MSI2: variants seen among roughly 807,000 people sequenced by gnomAD.
MSI2 encodes the protein RNA-binding protein Musashi homolog 2.
A neutral mutation model predicts 45.6 loss-of-function variants in MSI2; 17 were observed. The observed-to-expected ratio is 0.37, with a 90% CI of 0.26 to 0.56. The LOEUF is 0.56. Ranked by LOEUF, MSI2 falls within the 20% of genes least tolerant of loss-of-function variation. The probability of loss-of-function intolerance (pLI) is 0.77; values close to 1 mark genes in which losing one functional copy is unlikely to be tolerated. For missense variants in MSI2, 293 were observed against 444.2 expected, an observed-to-expected ratio of 0.66 and a Z score of 3.06; for synonymous variants, 156 against 158.2, an observed-to-expected ratio of 0.99 and a Z score of 0.11.
chr17:57,638,219 C>T (rs1909982499), intron 10 of MSI2, among the ~76,000 whole-genome samples: 1 of 152,190 alleles, frequency 6.6e-6, no homozygotes, highest in African/African-American at 2.4e-5. Context: ...AGGAATCCTG[C>T]ACAGAGACTT....
chr17:57,457,195 G>A (rs1204642894), intron 6 of MSI2, among the ~76,000 whole-genome samples: 1 of 152,222 alleles, frequency 6.6e-6, no homozygotes, highest in African/African-American at 2.4e-5. Context: ...TGGGAAACCT[G>A]AACCCCCAAA....
intron 9 of MSI2, chr17:57,625,952 C>T (rs892470801): frequency 1.3e-5 from 2 of 152,406 alleles, no homozygotes; most frequent in Non-Finnish European, 2.9e-5. Flanking sequence ...AGAATAAATT[C>T]GGAGCCAGTC....
chr17:57,627,087 AT>A lies in MSI2; in HGVS notation c.653-141del. On this transcript the variant is annotated intron_variant, in intron 9 of 13. Coordinates refer to ENST00000284073, the MANE Select transcript of MSI2 (RefSeq NM_138962.4). The surrounding 1 kb of genome is among the most constrained non-coding windows in gnomAD (Gnocchi z 4.6). Reference sequence around the variant, plus strand: ...AGGAGAGAGGTGACCCAGACCCTTAATAAAAAAACCCTCATGAGAGACAAAT... The same window carrying A: ...AGGAGAGAGGTGACCCAGACCCTTAAAAAAAAACCCTCATGAGAGACAAAT... 3.9e-6 allele frequency: 3 copies of A among 770,424 alleles called. No homozygotes were observed. The highest frequency in any genetic ancestry group is 6.6e-6 in the Non-Finnish European group (3 of 452,382). 47.7% of individuals were successfully genotyped at this position (770,424 alleles called of 1,614,324 possible). A position where few individuals can be genotyped will look rare whatever the true frequency, so the allele number is the denominator to read the frequency against.
At chr17:57,393,233 G>A (rs982610342) in intron 5 of MSI2, among the ~76,000 whole-genome samples, 10 of 152,138 alleles carry the variant, frequency 6.6e-5, no homozygotes, top group Non-Finnish European at 1.0e-4. Flanking sequence ...GGAAATGCTC[G>A]TTGGAGCATT....
Position 57,280,017 on chromosome 17 carries a change from C to CA in MSI2, c.312+17838dup, listed in dbSNP as rs112875953. On this transcript the variant is annotated intron_variant, in intron 5 of 13. Transcript: ENST00000284073. The surrounding 1 kb of genome is among the most constrained non-coding windows in gnomAD (Gnocchi z 4.2). ...GCATTGGATGTTAAAGGGATCATAA[C>CA]AAAAAAAAAAAAACAGTGTCCTTTG... 13,036 of 128,530 alleles carry CA rather than the reference C, an allele frequency of 0.1. 1,762 individuals carry two copies. Among genetic ancestry groups the CA allele is most frequent in the African/African-American group, 0.32 (11,743 of 36,550 alleles). The allele number at this position is 128,530 out of a possible 1,614,324, so 8.0% of individuals were successfully genotyped here.
chr17:57,363,178 T>C (rs1916941751), intron 5 of MSI2, among the ~76,000 whole-genome samples: 1 of 152,320 alleles, frequency 6.6e-6, no homozygotes, highest in South Asian at 2.1e-4. Flanking sequence ...GTATTCAGCC[T>C]TGAAAAGGAA....
chr17:57,539,061 C>T (rs964708004), intron 7 of MSI2, among the ~76,000 whole-genome samples: 1 of 152,154 alleles, frequency 6.6e-6, no homozygotes, highest in East Asian at 1.9e-4. Flanking sequence ...TGCAGATGTA[C>T]ATACATTAAA....
Position 57,652,095 on chromosome 17 carries a change from C to G in MSI2, c.728-4C>G. 1.2e-6 allele frequency: 2 copies of G among 1,614,058 alleles called. No homozygotes were observed. The highest frequency in any genetic ancestry group is 1.7e-6 in the Non-Finnish European group (2 of 1,179,940). ...TGACTCAGGCTCCTCTCTCTCCTGA[C>G]CAGGCTTCCCAGCAGCGGCTTATGG... On this transcript the variant is annotated splice_region_variant and splice_polypyrimidine_tract_variant and intron_variant, in intron 10 of 13. Coordinates refer to ENST00000284073, the MANE Select transcript of MSI2 (RefSeq NM_138962.4). The surrounding 1 kb of genome is among the most constrained non-coding windows in gnomAD (Gnocchi z 4.1).
intron 5 of MSI2, among the ~76,000 whole-genome samples, chr17:57,365,986 C>A (rs1332968836): frequency 3.9e-5 from 6 of 152,106 alleles, no homozygotes; most frequent in Admixed American, 3.9e-4. Context: ...GATATCGACT[C>A]ACTGCAACTT....
the MSI2 span, among the ~76,000 whole-genome samples, chr17:57,699,180 A>T: frequency 7.8e-3 from 97 of 12,392 alleles, 24 homozygotes; most frequent in African/African-American, 0.02. Flanking sequence ...AGAGAGAGAG[A>T]GAGTGTGTGT....
At chr17:57,263,032 T>C (rs1907461829) in intron 5 of MSI2, among the ~76,000 whole-genome samples, 1 of 152,240 alleles carries the variant, frequency 6.6e-6, no homozygotes, top group Non-Finnish European at 1.5e-5. Flanking sequence ...GGATTTGTCA[T>C]TCTTTTAGGG....
chr17:57,426,483 T>C lies in MSI2; in HGVS notation c.405+25012T>C, dbSNP rs73991823. 9.2e-3 allele frequency among the ~76,000 whole-genome samples: 1,395 copies of C among 152,370 alleles called. 21 individuals carry two copies. Among genetic ancestry groups the C allele is most frequent in the African/African-American group, 0.032 (1,347 of 41,588 alleles). On this transcript the variant is annotated intron_variant, in intron 6 of 13. Coordinates refer to ENST00000284073, the MANE Select transcript of MSI2 (RefSeq NM_138962.4). ...ACTCAGTAGTCACCCAGTACCCATT[T>C]TGGGATTTTTCTCCAATTATAAAGT...
intron 6 of MSI2, among the ~76,000 whole-genome samples, chr17:57,401,878 T>C (rs1256810598): frequency 1.3e-5 from 2 of 152,070 alleles, no homozygotes; most frequent in Non-Finnish European, 2.9e-5. Flanking sequence ...GAAAATGCAT[T>C]GAGAGCTGAG....
At chr17:57,679,128 G>T (rs768042601) in intron 13 of MSI2, among the ~76,000 whole-genome samples, 33 of 152,016 alleles carry the variant, frequency 2.2e-4, no homozygotes, top group Non-Finnish European at 4.0e-4. Flanking sequence ...AGTTTGTGGG[G>T]TTTTTTTTGT....
At chr17:57,359,397 A>C (rs1168079956) in intron 5 of MSI2, among the ~76,000 whole-genome samples, 1 of 152,250 alleles carries the variant, frequency 6.6e-6, no homozygotes, top group East Asian at 1.9e-4. Flanking sequence ...AAAGTCAGAA[A>C]GACAAAGGCT....
At chr17:57,274,195 C>A (rs138568969) in intron 5 of MSI2, 2 of 152,380 alleles carry the variant, frequency 1.3e-5, no homozygotes, top group East Asian at 1.9e-4. Context: ...ACTCACCCCC[C>A]ATCACCCTGC....
chr17:57,658,652 T>C (rs939300938), intron 11 of MSI2, among the ~76,000 whole-genome samples: 5 of 152,262 alleles, frequency 3.3e-5, no homozygotes, highest in Non-Finnish European at 7.3e-5. Context: ...TGACTAGCCT[T>C]GAAGCCCAGA....
intron 10 of MSI2, among the ~76,000 whole-genome samples, chr17:57,646,480 A>T (rs1910669203): frequency 6.6e-6 from 1 of 152,208 alleles, no homozygotes; most frequent in African/African-American, 2.4e-5. Context: ...ACTTGGGTTT[A>T]TCATCCTCCT....
chr17:57,536,798 C>T (rs978187583), intron 7 of MSI2, among the ~76,000 whole-genome samples: 3 of 152,176 alleles, frequency 2.0e-5, no homozygotes, highest in African/African-American at 7.2e-5. Flanking sequence ...TCAGTTTAGT[C>T]CGTAGTGTGA....
Sources: gnomAD v4.1 joint callset for allele counts (sites outside exome capture counted in the v4.1 genomes callset) on GRCh38, gnomAD v4.1.1 for gene constraint, Gnocchi (gnomAD v3.1) non-coding constraint, MANE v1.5 for transcripts, NCBI Gene and HGNC (gene_info 2026-07-23, HGNC 2026-07-21) for gene names.